The following DMD variants were observed in gnomAD, a reference collection of about 807,000 sequenced individuals.
The protein encoded by DMD is dystrophin.
Under a neutral mutation model 330.1 loss-of-function variants are expected in DMD, and 63 were observed. That is an observed-to-expected ratio of 0.19 (90% CI 0.16 to 0.24). The LOEUF (loss-of-function observed/expected upper bound fraction) is 0.24. Among genes scored for constraint, DMD ranks in the 10% least tolerant of loss-of-function variants. The probability of loss-of-function intolerance (pLI) is 1.00; values close to 1 mark genes in which losing one functional copy is unlikely to be tolerated. For missense variants in DMD, 3,344 were observed against 2,684.1 expected, an observed-to-expected ratio of 1.25 and a Z score of -5.43; for synonymous variants, 1,223 against 959.8, an observed-to-expected ratio of 1.27 and a Z score of -5.07.
At chrX:33,001,478 T>C (rs2093276118) in intron 2 of DMD, among the ~76,000 whole-genome samples, 1 of 111,920 alleles carries the variant, frequency 8.9e-6, no homozygotes, top group Admixed American at 9.5e-5. Flanking sequence ...CTTTTGCTAA[T>C]ACTGAAAAAC....
chrX:31,150,774 C>T (rs750061299), intron 74 of DMD, among the ~76,000 whole-genome samples: 19 of 111,636 alleles, frequency 1.7e-4, no homozygotes, highest in Non-Finnish European at 3.0e-4. Flanking sequence ...CCAAAATGCT[C>T]AGTTTCAAAA....
intron 41 of DMD, among the ~76,000 whole-genome samples, chrX:32,317,696 ATATGACATATGAT>A (rs1336742109): frequency 3.6e-5 from 4 of 111,504 alleles, no homozygotes; most frequent in African/African-American, 1.3e-4. Flanking sequence ...AAAATGTGCT[ATATGACATATGAT>A]TATGACATAT....
At chrX:32,085,692 G>A (rs753776426) in intron 44 of DMD, among the ~76,000 whole-genome samples, 8 of 96,265 alleles carry the variant, frequency 8.3e-5, no homozygotes, top group South Asian at 8.9e-4. Flanking sequence ...ATATATATAC[G>A]TATATATACA....
At chrX:31,892,389 G>C (rs1373394532) in intron 47 of DMD, among the ~76,000 whole-genome samples, 1 of 109,957 alleles carries the variant, frequency 9.1e-6, no homozygotes, top group Non-Finnish European at 1.9e-5. Flanking sequence ...TGTAGCTATT[G>C]AGCACCCAGC....
At chrX:32,678,112 T>C (rs919246590) in intron 9 of DMD, among the ~76,000 whole-genome samples, 1 of 110,680 alleles carries the variant, frequency 9.0e-6, no homozygotes, top group Non-Finnish European at 1.9e-5. Flanking sequence ...GAGGAGAAAA[T>C]GGGGAAATGC....
intron 1 of DMD, among the ~76,000 whole-genome samples, chrX:33,228,711 C>CTTTT (rs759825087): frequency 3.0e-5 from 3 of 101,141 alleles, no homozygotes; most frequent in African/African-American, 1.1e-4. Context: ...TTTTCTTCAG[C>CTTTT]TTTTTTTTTT....
At chrX:32,338,350 A>G in intron 41 of DMD, among the ~76,000 whole-genome samples, 1 of 111,085 alleles carries the variant, frequency 9.0e-6, no homozygotes, top group South Asian at 3.8e-4. Context: ...ATTAAATTTC[A>G]TTAATATGAA....
At chrX:32,465,559 CTTTT>C (rs5902032) in intron 23 of DMD, among the ~76,000 whole-genome samples, 7 of 43,253 alleles carry the variant, frequency 1.6e-4, no homozygotes, top group East Asian at 9.2e-4. Flanking sequence ...TTGTTCAGGT[CTTTT>C]TTTTTTTGTT....
intron 2 of DMD, among the ~76,000 whole-genome samples, chrX:32,850,788 C>A (rs543463205): frequency 8.9e-6 from 1 of 111,909 alleles, no homozygotes; most frequent in East Asian, 2.8e-4. Flanking sequence ...TAATTCCCAG[C>A]TTTTTCATCA....
rs142933559 is a variant in DMD, at chrX:32,557,524, G to T, written c.1992+8178C>A. 5.6e-3 allele frequency among the ~76,000 whole-genome samples: 622 copies of T among 111,781 alleles called. 7 individuals carry two copies. Among genetic ancestry groups the T allele is most frequent in the African/African-American group, 0.019 (601 of 30,839 alleles). ...CATTGCGTTGTCTGTCTATGTATAT[G>T]TAACCCTTTGGAGTGATCAATAAGT... On this transcript the variant is annotated intron_variant, in intron 16 of 78. Coordinates refer to ENST00000357033, the MANE Select transcript of DMD (RefSeq NM_004006.3).
chrX:31,706,130 G>C (rs1053201125), intron 52 of DMD, among the ~76,000 whole-genome samples: 8 of 97,316 alleles, frequency 8.2e-5, no homozygotes, highest in Non-Finnish European at 2.0e-5. Context: ...AATGCTTGTA[G>C]AGTTTATTTT....
At chrX:33,030,792 A>C (rs1477642955) in intron 1 of DMD, among the ~76,000 whole-genome samples, 1 of 111,738 alleles carries the variant, frequency 8.9e-6, no homozygotes, top group African/African-American at 3.3e-5. Context: ...ATTTAAAAAA[A>C]TACATTGTTC....
chrX:31,832,298 T>C (rs1275640938), intron 49 of DMD, among the ~76,000 whole-genome samples: 1 of 112,024 alleles, frequency 8.9e-6, no homozygotes, highest in Non-Finnish European at 1.9e-5. Flanking sequence ...AGTAATATAT[T>C]AAAGATTGTT....
chrX:32,913,622 C>T (rs956846497), intron 2 of DMD, among the ~76,000 whole-genome samples: 3 of 111,701 alleles, frequency 2.7e-5, no homozygotes, highest in Non-Finnish European at 3.8e-5. Context: ...ACACTGCCCA[C>T]TCTGTTGGTT....
At chrX:32,404,501 C>G (rs201376020) in intron 30 of DMD, among the ~76,000 whole-genome samples, 2 of 111,308 alleles carry the variant, frequency 1.8e-5, no homozygotes, top group South Asian at 3.8e-4. Flanking sequence ...ACAAATAGAA[C>G]AGTAAAGCTA....
At chrX:31,194,146 C>T (rs942396596) in intron 67 of DMD, among the ~76,000 whole-genome samples, 4 of 111,341 alleles carry the variant, frequency 3.6e-5, no homozygotes, top group African/African-American at 1.3e-4. Flanking sequence ...CGCCACTGCA[C>T]TCCAGCCTGG....
intron 1 of DMD, among the ~76,000 whole-genome samples, chrX:33,039,620 T>C (rs940513242): frequency 8.9e-6 from 1 of 111,817 alleles, no homozygotes; most frequent in African/African-American, 3.3e-5. Flanking sequence ...CCTCAATACA[T>C]TTTTATTAAA....
chrX:31,311,413 T>C (rs2055511101), intron 62 of DMD, among the ~76,000 whole-genome samples: 1 of 111,997 alleles, frequency 8.9e-6, no homozygotes, highest in African/African-American at 3.3e-5. Context: ...TTATTAAGTA[T>C]GGTCTTGGCC....
chrX:33,058,745 C>T (rs912280987), intron 1 of DMD, among the ~76,000 whole-genome samples: 1 of 111,547 alleles, frequency 9.0e-6, no homozygotes, highest in Admixed American at 9.6e-5. Flanking sequence ...GGCACCAATT[C>T]TCCCCAATAC....
Sources: allele counts gnomAD v4.1 joint callset (sites outside exome capture counted in the v4.1 genomes callset), GRCh38; gene constraint gnomAD v4.1.1; transcripts MANE v1.5; gene names NCBI Gene and HGNC (gene_info 2026-07-23, HGNC 2026-07-21).